Variants in ABLIM1 observed in about 807,000 individuals in gnomAD.
The protein encoded by ABLIM1 is actin binding LIM protein 1.
Under a neutral mutation model 107.0 loss-of-function variants are expected in ABLIM1, and 40 were observed. The observed-to-expected ratio is 0.37, with a 90% CI of 0.29 to 0.49. ABLIM1 has a LOEUF of 0.49. Among genes scored for constraint, ABLIM1 ranks in the 20% least tolerant of loss-of-function variants. The probability of loss-of-function intolerance (pLI) is 0.97; values close to 1 mark genes in which losing one functional copy is unlikely to be tolerated. For synonymous variants in ABLIM1, 357 were observed against 357.3 expected, an observed-to-expected ratio of 1.00 and a Z score of 0.01; for missense variants, 857 against 1,008.5, an observed-to-expected ratio of 0.85 and a Z score of 2.04.
rs1467626217 is a variant in ABLIM1, at chr10:114,597,701, C to T, written c.379+4126G>A. On this transcript the variant is annotated intron_variant, in intron 2 of 22. Coordinates refer to ENST00000533213, the MANE Select transcript of ABLIM1 (RefSeq NM_002313.7). ...AATACGAGGGCAGTTGGTGCCTATT[C>T]TGTGCTGTGACCTCCCACCATTAGC... Among the ~76,000 whole-genome samples, 2 of 152,310 alleles carry T rather than the reference C, an allele frequency of 1.3e-5. 1 individual carries two copies. Among genetic ancestry groups the T allele is most frequent in the East Asian group, 3.9e-4 (2 of 5,184 alleles).
At chr10:114,524,904 CA>C (rs985560269) in intron 6 of ABLIM1, among the ~76,000 whole-genome samples, 2 of 152,230 alleles carry the variant, frequency 1.3e-5, no homozygotes, top group South Asian at 2.1e-4. Context: ...AATGGTCAGG[CA>C]AAAACACCTG....
chr10:114,743,853 G>A (rs1157392862), intron 1 of ABLIM1, among the ~76,000 whole-genome samples: 1 of 152,044 alleles, frequency 6.6e-6, no homozygotes, highest in Non-Finnish European at 1.5e-5. Context: ...TAAAAAGATG[G>A]GCTAATGTAA....
chr10:114,700,919 T>C (rs2081295793), intron 1 of ABLIM1, among the ~76,000 whole-genome samples: 2 of 152,014 alleles, frequency 1.3e-5, no homozygotes, highest in Non-Finnish European at 2.9e-5. Flanking sequence ...CAAAAATGTA[T>C]AAAAATTGAT....
chr10:114,706,327 A>G (rs951850430), intron 1 of ABLIM1, among the ~76,000 whole-genome samples: 1 of 152,216 alleles, frequency 6.6e-6, no homozygotes, highest in Non-Finnish European at 1.5e-5. Flanking sequence ...AGTTATATAA[A>G]CGATATTGAA....
chr10:114,490,974 A>ATGTGTGTG (rs140256636), intron 7 of ABLIM1, among the ~76,000 whole-genome samples: 177 of 98,972 alleles, frequency 1.8e-3, no homozygotes, highest in South Asian at 3.3e-3. Flanking sequence ...CGGCATATAT[A>ATGTGTGTG]TGTGTGTGTG....
the ABLIM1 span, among the ~76,000 whole-genome samples, chr10:114,789,753 C>T: frequency 6.6e-6 from 1 of 150,746 alleles, no homozygotes; most frequent in Non-Finnish European, 1.5e-5. Context: ...ATGTCCTATG[C>T]CCACTTTTTA....
In ABLIM1 at chr10:114,651,827, A is replaced by C. The variant is rs76230614; in HGVS notation, c.244+6130T>G. Among the ~76,000 whole-genome samples the C allele has an allele frequency of 6.6e-5, 10 of 152,340 alleles. No individual in the cohort carries two copies. The East Asian group carries it at 1.9e-3, about 29-fold the overall frequency. ...CCTCAGGAGAACAAAAGTTAAAGTA[A>C]GACTGCTGTTTGGGGGGAACCATAT... On this transcript the variant is annotated intron_variant, in intron 1 of 22. Transcript: ENST00000533213.
chr10:114,761,401 C>T (rs79950178), intron 1 of ABLIM1, among the ~76,000 whole-genome samples: 2 of 152,180 alleles, frequency 1.3e-5, no homozygotes, highest in Admixed American at 1.3e-4. Flanking sequence ...CAGCCCCTAT[C>T]ACCTCTCTGC....
chr10:114,556,168 A>G (rs2068705089), intron 4 of ABLIM1, among the ~76,000 whole-genome samples: 1 of 152,106 alleles, frequency 6.6e-6, no homozygotes, highest in Non-Finnish European at 1.5e-5. Flanking sequence ...GTTCCTAGAG[A>G]ACATGGATTT....
At chr10:114,496,929 A>G (rs374820376) in intron 6 of ABLIM1, among the ~76,000 whole-genome samples, 2 of 152,318 alleles carry the variant, frequency 1.3e-5, no homozygotes, top group East Asian at 1.9e-4. Flanking sequence ...CTCCTTACAT[A>G]GGCACCCATG....
chr10:114,644,789 G>A (rs2140993048), intron 1 of ABLIM1, among the ~76,000 whole-genome samples: 1 of 152,278 alleles, frequency 6.6e-6, no homozygotes, highest in Non-Finnish European at 1.5e-5. Flanking sequence ...AAAAGATAAA[G>A]TTAGGCCAGG....
At chr10:114,655,673 A>C (rs1008098824) in intron 1 of ABLIM1, among the ~76,000 whole-genome samples, 1 of 152,174 alleles carries the variant, frequency 6.6e-6, no homozygotes, top group Non-Finnish European at 1.5e-5. Flanking sequence ...GTCATTTGCT[A>C]CAATAGGCAT....
intron 1 of ABLIM1, among the ~76,000 whole-genome samples, chr10:114,637,302 ACT>A (rs907611481): frequency 3.3e-5 from 5 of 151,990 alleles, no homozygotes; most frequent in Non-Finnish European, 7.4e-5. Context: ...CAATCCTTAT[ACT>A]CTCTGTTGGC....
chr10:114,700,570 G>C (rs1240223654), intron 1 of ABLIM1, among the ~76,000 whole-genome samples: 1 of 151,678 alleles, frequency 6.6e-6, no homozygotes, highest in Admixed American at 6.6e-5. Flanking sequence ...AGATGATGTA[G>C]TATTGCCATA....
intron 1 of ABLIM1, among the ~76,000 whole-genome samples, chr10:114,638,857 G>A (rs1237330120): frequency 6.6e-6 from 1 of 152,052 alleles, no homozygotes; most frequent in East Asian, 1.9e-4. Context: ...TCATAACCTT[G>A]GTCTGTGGCA....
At position 114,518,853 on chromosome 10, in the gene ABLIM1, G is replaced by T. The variant is rs1332174219; in HGVS notation, c.894+26152C>A. On this transcript the variant is annotated intron_variant, in intron 6 of 22. Transcript: ENST00000533213. ...AAAACTTTTAGAAGTTGTCTGCTCA[G>T]ACAGTGGCAGGGGATGCCTGGACAA... 2.0e-5 allele frequency among the ~76,000 whole-genome samples: 3 copies of T among 151,948 alleles called. No homozygotes were observed. The East Asian group carries it at 5.8e-4, about 30-fold the overall frequency.
At chr10:114,795,634 G>A in the ABLIM1 span, among the ~76,000 whole-genome samples, 37 of 151,930 alleles carry the variant, frequency 2.4e-4, no homozygotes, top group Middle Eastern at 3.4e-3. Context: ...GCTTGAACAC[G>A]GGAGGCAAAG....
intron 13 of ABLIM1, among the ~76,000 whole-genome samples, chr10:114,451,990 C>T (rs1350678553): frequency 1.3e-5 from 2 of 152,034 alleles, no homozygotes; most frequent in African/African-American, 4.8e-5. Context: ...AGTGGAGGTA[C>T]TCTTATGGTG....
chr10:114,447,173 T>C (rs895188665), intron 15 of ABLIM1, among the ~76,000 whole-genome samples: 1 of 152,206 alleles, frequency 6.6e-6, no homozygotes, highest in Admixed American at 6.5e-5. Context: ...TTGCTAATAC[T>C]TCTTTTTAGG....
Sources: allele counts gnomAD v4.1 joint callset (sites outside exome capture counted in the v4.1 genomes callset), GRCh38; gene constraint gnomAD v4.1.1; transcripts MANE v1.5; gene names NCBI Gene and HGNC (gene_info 2026-07-23, HGNC 2026-07-21).